Variants in RORA observed in about 807,000 individuals in gnomAD.
The protein encoded by RORA is nuclear receptor ROR-alpha.
Under a neutral mutation model 69.5 loss-of-function variants are expected in RORA, and 7 were observed. The observed-to-expected ratio is 0.10, with a 90% CI of 0.06 to 0.19. RORA has a LOEUF of 0.19. RORA is among the 10% of genes least tolerant of loss of function. The probability of loss-of-function intolerance (pLI) is 1.00; values close to 1 mark genes in which losing one functional copy is unlikely to be tolerated. For missense variants in RORA, 457 were observed against 663.0 expected, an observed-to-expected ratio of 0.69 and a Z score of 3.41; for synonymous variants, 261 against 240.8, an observed-to-expected ratio of 1.08 and a Z score of -0.78.
At chr15:61,218,058 G>A (rs757557690) in intron 1 of RORA, among the ~76,000 whole-genome samples, 43 of 152,222 alleles carry the variant, frequency 2.8e-4, no homozygotes, top group Admixed American at 1.0e-3. Context: ...AAATAGTGAG[G>A]AGTGGCTCAT....
At chr15:60,744,763 T>C (rs2071624377) in intron 1 of RORA, among the ~76,000 whole-genome samples, 2 of 152,216 alleles carry the variant, frequency 1.3e-5, no homozygotes, top group South Asian at 4.1e-4. Flanking sequence ...GTGGCTGTGA[T>C]GGTTCTGAGA....
chr15:60,955,069 C>T lies in RORA; in HGVS notation c.166+273984G>A, dbSNP rs1239777871. Among the ~76,000 whole-genome samples the T allele has an allele frequency of 4.6e-5, 7 of 151,968 alleles. No individual in the cohort carries two copies. The East Asian group carries it at 5.8e-4, about 13-fold the overall frequency. On this transcript the variant is annotated intron_variant, in intron 1 of 10. Transcript: ENST00000335670. ...CTGTAATCCCAGCACTTTGGGAGGC[C>T]GAGGTGGGTGGATCATGAGGTTAGG...
intron 1 of RORA, among the ~76,000 whole-genome samples, chr15:60,786,417 G>A (rs1473810052): frequency 6.6e-6 from 1 of 152,202 alleles, no homozygotes; most frequent in African/African-American, 2.4e-5. Context: ...AGAGTCTTGA[G>A]CCTCGCTAGA....
At chr15:60,749,933 G>C (rs2071701055) in intron 1 of RORA, among the ~76,000 whole-genome samples, 1 of 152,168 alleles carries the variant, frequency 6.6e-6, no homozygotes, top group Non-Finnish European at 1.5e-5. Context: ...AGGAGGCTGA[G>C]GTGGAAGAAT....
intron 2 of RORA, among the ~76,000 whole-genome samples, chr15:60,635,065 C>T (rs1276444804): frequency 2.6e-5 from 4 of 152,214 alleles, no homozygotes; most frequent in Non-Finnish European, 5.9e-5. Flanking sequence ...GCACGGCCTG[C>T]CCCTCTGCTT....
At chr15:60,566,700 C>G (rs1325960300) in intron 2 of RORA, among the ~76,000 whole-genome samples, 1 of 152,156 alleles carries the variant, frequency 6.6e-6, no homozygotes, top group Non-Finnish European at 1.5e-5. Flanking sequence ...GATTATTTGT[C>G]ATTTGATTTG....
At chr15:61,074,083 C>A (rs950299100) in intron 1 of RORA, among the ~76,000 whole-genome samples, 2 of 152,156 alleles carry the variant, frequency 1.3e-5, no homozygotes, top group African/African-American at 4.8e-5. Context: ...GGGTTAGATA[C>A]AAATCCACAG....
At chr15:60,608,840 A>C (rs1470377139) in intron 2 of RORA, among the ~76,000 whole-genome samples, 1 of 152,158 alleles carries the variant, frequency 6.6e-6, no homozygotes, top group Admixed American at 6.5e-5. Context: ...ATCAGGCCTT[A>C]TAACAATCTA....
intron 1 of RORA, among the ~76,000 whole-genome samples, chr15:61,177,915 T>C (rs994639517): frequency 3.3e-5 from 5 of 150,648 alleles, no homozygotes; most frequent in South Asian, 2.1e-4. Flanking sequence ...TGAGCCGAGA[T>C]TGCACCACTG....
intron 1 of RORA, among the ~76,000 whole-genome samples, chr15:60,883,968 T>A (rs906745902): frequency 6.6e-6 from 1 of 152,238 alleles, no homozygotes; most frequent in South Asian, 2.1e-4. Context: ...CATTCTTCTC[T>A]GATTTGAGCT....
intron 2 of RORA, chr15:60,558,513 G>A: frequency 2.2e-6 from 1 of 460,622 alleles, no homozygotes; most frequent in Non-Finnish European, 3.8e-6. Flanking sequence ...ACTGGATTGT[G>A]GTTAAATGCG....
At chr15:61,074,999 A>C (rs1452610667) in intron 1 of RORA, among the ~76,000 whole-genome samples, 1 of 151,842 alleles carries the variant, frequency 6.6e-6, no homozygotes, top group African/African-American at 2.4e-5. Context: ...AGGCATGAGA[A>C]TCACTTGAAC....
At chr15:61,105,739 G>C (rs552342136) in intron 1 of RORA, among the ~76,000 whole-genome samples, 1 of 152,284 alleles carries the variant, frequency 6.6e-6, no homozygotes, top group South Asian at 2.1e-4. Context: ...GACATATTAT[G>C]TGACCTTGAC....
At position 60,905,574 on chromosome 15, in the gene RORA, G is replaced by A. The variant is rs932148723; in HGVS notation, c.167-226888C>T. Among the ~76,000 whole-genome samples, 1 of 152,186 alleles carries A rather than the reference G, an allele frequency of 6.6e-6. No individual in the cohort carries two copies. The highest frequency in any genetic ancestry group is 2.4e-5 in the African/African-American group (1 of 41,440). On this transcript the variant is annotated intron_variant, in intron 1 of 10. Coordinates refer to ENST00000335670, the MANE Select transcript of RORA (RefSeq NM_134261.3). The surrounding 1 kb of genome is among the most constrained non-coding windows in gnomAD (Gnocchi z 4.8). Reference sequence around the variant, plus strand: ...GCTAAACAGATGAAAGTAGGTCTGAGGCAAGGGGTAGCATAACTATTATTT... The same window carrying A: ...GCTAAACAGATGAAAGTAGGTCTGAAGCAAGGGGTAGCATAACTATTATTT...
chr15:60,915,951 A>G (rs1265764914), intron 1 of RORA, among the ~76,000 whole-genome samples: 1 of 144,344 alleles, frequency 6.9e-6, no homozygotes, highest in East Asian at 1.9e-4. Context: ...GGGCTCCTAC[A>G]GGAAGGCTAT....
chr15:61,027,590 C>A (rs928345707), intron 1 of RORA, among the ~76,000 whole-genome samples: 1 of 152,148 alleles, frequency 6.6e-6, no homozygotes, highest in African/African-American at 2.4e-5. Context: ...CCAGATCTAT[C>A]CAGCTCCCAA....
Position 61,080,155 on chromosome 15 carries a change from C to T in RORA, c.166+148898G>A, listed in dbSNP as rs79403927. On this transcript the variant is annotated intron_variant, in intron 1 of 10. Transcript: ENST00000335670. ...TCCCTCTCTTATTTATTCAGGGCTT[C>T]GCGCTCTTTTCCTTGGTTGCCAACT... Among the ~76,000 whole-genome samples the T allele has an allele frequency of 2.2e-3, 341 of 152,262 alleles. 10 individuals carry two copies. In the East Asian group the frequency reaches 0.058, roughly 26 times the overall value.
intron 1 of RORA, among the ~76,000 whole-genome samples, chr15:61,002,652 G>C (rs1894778712): frequency 6.6e-6 from 1 of 152,116 alleles, no homozygotes; most frequent in African/African-American, 2.4e-5. Flanking sequence ...GTGTCATCTA[G>C]TCAAGAGGGC....
At chr15:60,625,852 G>T (rs8035348) in intron 2 of RORA, among the ~76,000 whole-genome samples, 2,365 of 152,282 alleles carry the variant, frequency 0.016, 80 homozygotes, top group African/African-American at 0.054. Flanking sequence ...ACATCCTTTC[G>T]TACCTTTTGA....
Sources: allele counts gnomAD v4.1 joint callset (sites outside exome capture counted in the v4.1 genomes callset), GRCh38; gene constraint gnomAD v4.1.1; non-coding constraint Gnocchi (gnomAD v3.1); transcripts MANE v1.5; gene names NCBI Gene and HGNC (gene_info 2026-07-23, HGNC 2026-07-21).